Variants in BTRC observed in about 807,000 individuals in gnomAD.
BTRC encodes the protein F-box/WD repeat-containing protein 1A.
Under a neutral mutation model 85.5 loss-of-function variants are expected in BTRC, and 42 were observed. That is an observed-to-expected ratio of 0.49 (90% CI 0.38 to 0.64). The LOEUF is 0.64. BTRC is among the 30% of genes least tolerant of loss of function. BTRC has a pLI of 0.00. For missense variants in BTRC, 594 were observed against 743.5 expected (o/e 0.80, Z 2.34); for synonymous variants, 255 against 263.3 (o/e 0.97, Z 0.30).
chr10:101,367,827 G>A (rs1019956422), intron 1 of BTRC, among the ~76,000 whole-genome samples: 2 of 152,150 alleles, frequency 1.3e-5, no homozygotes, highest in Non-Finnish European at 2.9e-5. Flanking sequence ...TAATCATTCA[G>A]ATTAGTCATT....
intron 3 of BTRC, among the ~76,000 whole-genome samples, chr10:101,467,344 T>TTC (rs1277950270): frequency 7.4e-6 from 1 of 134,554 alleles, no homozygotes; most frequent in Non-Finnish European, 1.7e-5. Flanking sequence ...TTTTTTTTTT[T>TTC]TCTCTCTATT....
intron 1 of BTRC, among the ~76,000 whole-genome samples, chr10:101,390,906 T>C (rs1943221880): frequency 6.6e-6 from 1 of 152,222 alleles, no homozygotes; most frequent in African/African-American, 2.4e-5. Flanking sequence ...ATTAATTTTA[T>C]ACTTTTTAAG....
At chr10:101,549,227 G>C (rs960173441) in intron 13 of BTRC, among the ~76,000 whole-genome samples, 1 of 140,782 alleles carries the variant, frequency 7.1e-6, no homozygotes, top group African/African-American at 2.6e-5. Context: ...TTGGTCTTGA[G>C]TTCAAGACCA....
intron 4 of BTRC, among the ~76,000 whole-genome samples, chr10:101,505,159 A>ATATATATATGTATATGTG (rs1946498179): frequency 5.2e-5 from 1 of 19,376 alleles, no homozygotes; most frequent in Non-Finnish European, 1.2e-4. Context: ...ATGTATATGT[A>ATATATATATGTATATGTG]TATATATATA....
rs529711986 is a variant in BTRC at position 101,390,018 on chromosome 10, C to G, written c.48+35790C>G. On this transcript the variant is annotated intron_variant, in intron 1 of 14. Transcript: ENST00000370187. ...TTCGTTTATCCTTTATATCTCAGTTCTAATCACCTACTTAGAGCCTACCCT... is the reference window on the plus strand; with the variant it reads ...TTCGTTTATCCTTTATATCTCAGTTGTAATCACCTACTTAGAGCCTACCCT... 9.5e-4 allele frequency among the ~76,000 whole-genome samples: 144 copies of G among 152,234 alleles called. 2 individuals carry two copies. The highest frequency in any genetic ancestry group is 9.4e-3 in the Admixed American group (144 of 15,280).
chr10:101,450,817 A>G (rs1427905508), intron 2 of BTRC, among the ~76,000 whole-genome samples: 2 of 152,290 alleles, frequency 1.3e-5, no homozygotes, highest in East Asian at 1.9e-4. Flanking sequence ...AACTGATCCT[A>G]TCTAAAGATG....
At position 101,553,712 on chromosome 10, in the gene BTRC, C is replaced by T. The variant is rs1339986648; in HGVS notation, c.*589C>T. 1 of 152,714 alleles carries T rather than the reference C, an allele frequency of 6.5e-6. No homozygotes were observed. Among genetic ancestry groups the T allele is most frequent in the Non-Finnish European group, 1.5e-5 (1 of 68,160 alleles). The allele number at this position is 152,714 out of a possible 1,614,324, so 9.5% of individuals were successfully genotyped here. A position where few individuals can be genotyped will look rare whatever the true frequency, so the allele number is the denominator to read the frequency against. ...CCTCTGGGACAAGAAAAAGAAAACA[C>T]AAGAATGTATACACTGGAAGATTTG... On this transcript the variant is annotated 3_prime_UTR_variant, in exon 15 of 15. Coordinates refer to ENST00000370187, the MANE Select transcript of BTRC (RefSeq NM_033637.4).
At position 101,482,638 on chromosome 10, in the gene BTRC, G is replaced by A. The variant is rs1041375550; in HGVS notation, c.324+3181G>A. On this transcript the variant is annotated intron_variant, in intron 4 of 14. Transcript: ENST00000370187. ...TCTTGATCTCCTGACGTCGTGATCC[G>A]CTTGCCTCAGCCTCCCAAAGCAATG... 6.0e-5 allele frequency among the ~76,000 whole-genome samples: 9 copies of A among 151,048 alleles called. No homozygotes were observed. The East Asian group carries it at 1.6e-3, about 26-fold the overall frequency.
chr10:101,404,272 C>G (rs974529524), intron 1 of BTRC, among the ~76,000 whole-genome samples: 2 of 151,316 alleles, frequency 1.3e-5, no homozygotes, highest in African/African-American at 2.4e-5. Context: ...CCTTATGATC[C>G]GCCCTCCTCG....
At position 101,550,857 on chromosome 10, in the gene BTRC, A is replaced by G. The variant is rs2062638867; in HGVS notation, c.1815A>G (p.Arg605=). 2 of 1,613,246 alleles carry G rather than the reference A, an allele frequency of 1.2e-6. No homozygotes were observed. Among genetic ancestry groups the G allele is most frequent in the African/African-American group, 1.3e-5 (1 of 74,894 alleles). ...CTCGAACATACACCTACATCTCCAGATAAATAACCATACACTGACCTCATA... is the reference window on the plus strand; with the variant it reads ...CTCGAACATACACCTACATCTCCAGGTAAATAACCATACACTGACCTCATA... The part of the protein sequence containing the change: ...SPSRTYTYIS[R] Residue 605 remains arginine (R), a synonymous_variant, in exon 14 of 15, where the codon AGA becomes AGG. Coordinates refer to ENST00000370187, the MANE Select transcript of BTRC (RefSeq NM_033637.4).
chr10:101,500,046 A>G (rs1057061712), intron 4 of BTRC, among the ~76,000 whole-genome samples: 9 of 151,242 alleles, frequency 6.0e-5, no homozygotes, highest in African/African-American at 1.2e-4. Flanking sequence ...GAGGATTCCA[A>G]TGGGTTTTTT....
intron 1 of BTRC, chr10:101,354,479 A>G (rs750905238): frequency 6.0e-6 from 3 of 497,616 alleles, no homozygotes; most frequent in Non-Finnish European, 1.1e-5. Context: ...TTAATCGAGG[A>G]GGGGGCTCCA....
chr10:101,403,701 C>T (rs1054921920), intron 1 of BTRC, among the ~76,000 whole-genome samples: 2 of 151,996 alleles, frequency 1.3e-5, no homozygotes, highest in African/African-American at 4.8e-5. Flanking sequence ...AGAGATCTTC[C>T]CACCTCAGCC....
At chr10:101,445,712 C>T (rs1178552151) in intron 2 of BTRC, among the ~76,000 whole-genome samples, 1 of 152,134 alleles carries the variant, frequency 6.6e-6, no homozygotes, top group Non-Finnish European at 1.5e-5. Flanking sequence ...TTGGTTTAAT[C>T]AATAGAATAA....
At chr10:101,543,224 G>A (rs1161623142) in intron 13 of BTRC, among the ~76,000 whole-genome samples, 2 of 152,136 alleles carry the variant, frequency 1.3e-5, no homozygotes, top group Non-Finnish European at 2.9e-5. Flanking sequence ...GCGTGCTTAG[G>A]ATTTTTGTCT....
intron 5 of BTRC, 110 bp from the exon 6 acceptor site, chr10:101,525,900 AATG>A: frequency 5.8e-6 from 6 of 1,027,382 alleles, no homozygotes; most frequent in Non-Finnish European, 8.5e-6. Context: ...CACTAGGGAC[AATG>A]ATGTGCCTTC....
chr10:101,470,595 G>A (rs1945497493), intron 3 of BTRC, among the ~76,000 whole-genome samples: 1 of 152,126 alleles, frequency 6.6e-6, no homozygotes, highest in African/African-American at 2.4e-5. Context: ...CTCCCAAAGT[G>A]CTGGGATTAC....
intron 2 of BTRC, among the ~76,000 whole-genome samples, chr10:101,431,329 G>C (rs550171825): frequency 1.3e-5 from 2 of 151,572 alleles, no homozygotes; most frequent in South Asian, 4.2e-4. Context: ...CACCCATCTC[G>C]GCTTCCCAAA....
At chr10:101,400,439 G>T (rs1271890005) in intron 1 of BTRC, among the ~76,000 whole-genome samples, 2 of 152,142 alleles carry the variant, frequency 1.3e-5, no homozygotes, top group Non-Finnish European at 2.9e-5. Context: ...TTCATGAGTG[G>T]AGTTTCCCTC....
Sources: allele counts gnomAD v4.1 joint callset (sites outside exome capture counted in the v4.1 genomes callset), GRCh38; gene constraint gnomAD v4.1.1; transcripts MANE v1.5; gene names NCBI Gene and HGNC (gene_info 2026-07-23, HGNC 2026-07-21).